Variants in HMGCLL1 observed in about 807,000 individuals in gnomAD.
The protein encoded by HMGCLL1 is 3-hydroxymethyl-3-methylglutaryl-CoA lyase, cytoplasmic.
HMGCLL1 carries 36 observed loss-of-function variants against 39.1 expected under a neutral mutation model. The ratio of observed to expected loss-of-function variants is 0.92; its 90% CI spans 0.71 to 1.22. The LOEUF (loss-of-function observed/expected upper bound fraction) is 1.22. Ranked by LOEUF, HMGCLL1 falls within the 50% of genes most tolerant of loss-of-function variation. The pLI, the probability that HMGCLL1 is intolerant of heterozygous loss-of-function variation, is 0.00. For missense variants in HMGCLL1, 451 were observed against 416.5 expected, an observed-to-expected ratio of 1.08 and a Z score of -0.72; for synonymous variants, 149 against 144.0, an observed-to-expected ratio of 1.03 and a Z score of -0.25.
intron 8 of HMGCLL1, among the ~76,000 whole-genome samples, chr6:55,437,536 G>A (rs1763420390): frequency 6.6e-6 from 1 of 151,952 alleles, no homozygotes; most frequent in Admixed American, 6.6e-5. Context: ...ACTGTATGCA[G>A]GCAGAGAGAA....
the HMGCLL1 span, among the ~76,000 whole-genome samples, chr6:55,652,021 A>G: frequency 6.6e-6 from 1 of 151,520 alleles, no homozygotes. Context: ...CTCCTCAATG[A>G]CTCTTAGTGA....
upstream of HMGCLL1, among the ~76,000 whole-genome samples, chr6:55,580,570 C>A (rs1265452834): frequency 1.3e-5 from 2 of 151,838 alleles, no homozygotes; most frequent in African/African-American, 4.8e-5. Context: ...CGCCGGCCGC[C>A]ACGCCAGGCT....
chr6:55,518,667 G>A (rs145822092), intron 3 of HMGCLL1, among the ~76,000 whole-genome samples: 6 of 152,220 alleles, frequency 3.9e-5, no homozygotes, highest in South Asian at 2.1e-4. Context: ...ATTAGCCTAC[G>A]CAAAGAGGCC....
chr6:55,607,799 TCTC>T, the HMGCLL1 span, among the ~76,000 whole-genome samples: 9 of 152,172 alleles, frequency 5.9e-5, no homozygotes, highest in East Asian at 1.2e-3. Flanking sequence ...AAAATCTACT[TCTC>T]CTAGAATCCA....
chr6:55,569,693 C>A (rs1269576100), intron 1 of HMGCLL1, among the ~76,000 whole-genome samples: 2 of 152,046 alleles, frequency 1.3e-5, no homozygotes, highest in African/African-American at 2.4e-5. Context: ...TGTATAGCTA[C>A]AAAAGTCCTT....
intron 3 of HMGCLL1, among the ~76,000 whole-genome samples, chr6:55,534,096 T>C (rs1768867676): frequency 6.6e-6 from 1 of 152,094 alleles, no homozygotes; most frequent in Non-Finnish European, 1.5e-5. Context: ...ATTAATTTTA[T>C]AGAGGGAGTG....
At chr6:55,654,291 A>G in the HMGCLL1 span, among the ~76,000 whole-genome samples, 1 of 151,508 alleles carries the variant, frequency 6.6e-6, no homozygotes, top group Non-Finnish European at 1.5e-5. Context: ...AACACTCACA[A>G]ATTTAACTGT....
chr6:55,439,590 G>C, intron 7 of HMGCLL1, 31 bp from the exon 8 acceptor site: 1 of 1,604,294 alleles, frequency 6.2e-7, no homozygotes, highest in Non-Finnish European at 8.5e-7. Context: ...CCTAAAGCTT[G>C]TGTGTTTATG....
chr6:55,552,858 T>C (rs1770418540), intron 1 of HMGCLL1, among the ~76,000 whole-genome samples: 1 of 151,902 alleles, frequency 6.6e-6, no homozygotes, highest in South Asian at 2.1e-4. Context: ...AATGATGGTA[T>C]ATGCCGGGCG....
the HMGCLL1 span, among the ~76,000 whole-genome samples, chr6:55,627,921 A>ACTAT: frequency 4.7e-4 from 1 of 2,116 alleles, no homozygotes; most frequent in Non-Finnish European, 9.2e-4. Context: ...ATATATATAT[A>ACTAT]ATATATATAC....
At chr6:55,576,040 TG>T (rs1004891924) in intron 1 of HMGCLL1, among the ~76,000 whole-genome samples, 6 of 152,198 alleles carry the variant, frequency 3.9e-5, no homozygotes, top group African/African-American at 4.8e-5. Flanking sequence ...TTCTGATAAG[TG>T]TTGAGAATCC....
intron 5 of HMGCLL1, among the ~76,000 whole-genome samples, chr6:55,503,635 C>G (rs1324829053): frequency 6.6e-6 from 1 of 151,642 alleles, no homozygotes; most frequent in Admixed American, 6.6e-5. Context: ...CCCCAAAGTG[C>G]CTCATGTATA....
At chr6:55,547,116 C>T (rs1197303643) in intron 1 of HMGCLL1, among the ~76,000 whole-genome samples, 1 of 152,032 alleles carries the variant, frequency 6.6e-6, no homozygotes, top group Non-Finnish European at 1.5e-5. Flanking sequence ...AGCTCCCTGG[C>T]TCTTATTCTA....
chr6:55,579,314 A>C, upstream of HMGCLL1: 1 of 552,682 alleles, frequency 1.8e-6, no homozygotes, highest in East Asian at 3.1e-5. Context: ...ACAGGAGAGA[A>C]AGGAGCTGAG....
At chr6:55,517,100 G>A (rs1310632659) in intron 3 of HMGCLL1, among the ~76,000 whole-genome samples, 4 of 152,028 alleles carry the variant, frequency 2.6e-5, no homozygotes, top group African/African-American at 7.2e-5. Context: ...TATTTGGTGA[G>A]CATTGGTGCT....
the HMGCLL1 span, among the ~76,000 whole-genome samples, chr6:55,668,342 A>G: frequency 6.6e-6 from 1 of 151,928 alleles, no homozygotes; most frequent in Non-Finnish European, 1.5e-5. Context: ...TAACACTCTC[A>G]AAACTTCTGT....
At chr6:55,675,746 T>G in the HMGCLL1 span, among the ~76,000 whole-genome samples, 1 of 152,104 alleles carries the variant, frequency 6.6e-6, no homozygotes, top group Admixed American at 6.6e-5. Context: ...ACATCACTCT[T>G]TGTGTGTGTG....
the HMGCLL1 span, among the ~76,000 whole-genome samples, chr6:55,655,407 C>G: frequency 6.6e-6 from 1 of 151,660 alleles, no homozygotes; most frequent in African/African-American, 2.4e-5. Flanking sequence ...TACTATGGCT[C>G]TGTGTCCTCT....
chr6:55,526,803 C>G (rs558071131), intron 3 of HMGCLL1, among the ~76,000 whole-genome samples: 1 of 152,144 alleles, frequency 6.6e-6, no homozygotes, highest in Admixed American at 6.6e-5. Context: ...ACTTCAGGCC[C>G]ATAAAATGGG....
Sources: allele counts gnomAD v4.1 joint callset (sites outside exome capture counted in the v4.1 genomes callset), GRCh38; gene constraint gnomAD v4.1.1; transcripts MANE v1.5; gene names NCBI Gene and HGNC (gene_info 2026-07-23, HGNC 2026-07-21).